The following ATP9B variants were observed in gnomAD, a reference collection of about 807,000 sequenced individuals.
ATP9B encodes ATPase phospholipid transporting 9B.
In ATP9B, 110 loss-of-function variants were observed where a neutral mutation model predicts 146.1. The observed-to-expected ratio is 0.75, with a 90% CI of 0.65 to 0.88. The LOEUF is 0.88. Among genes scored for constraint, ATP9B ranks in the 40% least tolerant of loss-of-function variants. The pLI, the probability that ATP9B is intolerant of heterozygous loss-of-function variation, is 0.00. For synonymous variants in ATP9B, 604 were observed against 569.7 expected, an observed-to-expected ratio of 1.06 and a Z score of -0.86; for missense variants, 1,499 against 1,496.4, an observed-to-expected ratio of 1.00 and a Z score of -0.03.
At chr18:79,288,398 G>T (rs189566900) in intron 13 of ATP9B, among the ~76,000 whole-genome samples, 5 of 152,142 alleles carry the variant, frequency 3.3e-5, no homozygotes, top group African/African-American at 1.2e-4. Context: ...GATCTTCGTT[G>T]GTTTAAAGTC....
chr18:79,267,908 T>G (rs1051839592), intron 12 of ATP9B, among the ~76,000 whole-genome samples: 18 of 152,112 alleles, frequency 1.2e-4, no homozygotes, highest in African/African-American at 4.3e-4. Flanking sequence ...CCACAAGGGT[T>G]TTTCTCTTTC....
chr18:79,292,982 G>C (rs1257150546), intron 13 of ATP9B, among the ~76,000 whole-genome samples: 2 of 151,918 alleles, frequency 1.3e-5, no homozygotes, highest in Non-Finnish European at 2.9e-5. Context: ...GTGGTATGTG[G>C]TGCGGGCATA....
chr18:79,149,891 G>A (rs552554603), intron 6 of ATP9B, among the ~76,000 whole-genome samples: 3 of 151,948 alleles, frequency 2.0e-5, no homozygotes, highest in African/African-American at 7.2e-5. Flanking sequence ...GACCATCTTC[G>A]CCAACATGGT....
At chr18:79,128,167 C>G (rs1247284562) in intron 5 of ATP9B, among the ~76,000 whole-genome samples, 2 of 146,248 alleles carry the variant, frequency 1.4e-5, no homozygotes, top group African/African-American at 2.5e-5. Context: ...TCGGGCGATT[C>G]TCCTGCCTCA....
chr18:79,076,350 A>G (rs958063036), intron 1 of ATP9B, among the ~76,000 whole-genome samples: 1 of 152,178 alleles, frequency 6.6e-6, no homozygotes, highest in Non-Finnish European at 1.5e-5. Context: ...ACTGGAAACA[A>G]ATTCTCTTTG....
chr18:79,369,702 C>T (rs1022425865), intron 26 of ATP9B, among the ~76,000 whole-genome samples: 23 of 152,228 alleles, frequency 1.5e-4, no homozygotes, highest in Non-Finnish European at 3.1e-4. Context: ...CCATCTTTCA[C>T]GCCACACGCG....
chr18:79,299,880 C>T (rs1449332139), intron 13 of ATP9B: 4 of 152,254 alleles, frequency 2.6e-5, no homozygotes, highest in Non-Finnish European at 4.4e-5. Flanking sequence ...AGAACTGTAG[C>T]TCCTGCTGCA....
At chr18:79,085,025 A>T (rs1174859878) in intron 1 of ATP9B, 1 of 152,080 alleles carries the variant, frequency 6.6e-6, no homozygotes, top group African/African-American at 2.4e-5. Flanking sequence ...AAAAAGGTTT[A>T]ATTGGCTCGT....
chr18:79,108,817 T>G (rs1165208467), intron 2 of ATP9B, among the ~76,000 whole-genome samples: 1 of 152,188 alleles, frequency 6.6e-6, no homozygotes, highest in African/African-American at 2.4e-5. Flanking sequence ...TAGTACCAAC[T>G]TCAGTTGAGA....
chr18:79,319,227 T>C (rs996319747), intron 15 of ATP9B, among the ~76,000 whole-genome samples: 5 of 152,256 alleles, frequency 3.3e-5, no homozygotes, highest in African/African-American at 1.2e-4. Flanking sequence ...ACAAACATTT[T>C]AGCACTGTTA....
Position 79,378,135 on chromosome 18 carries a change from T to A in ATP9B, c.*752T>A, listed in dbSNP as rs1447038190. The A allele has an allele frequency of 6.6e-6, 1 of 152,262 alleles. No individual in the cohort carries two copies. Among genetic ancestry groups the A allele is most frequent in the Admixed American group, 6.5e-5 (1 of 15,290 alleles). The allele number at this position is 152,262 out of a possible 1,614,324, so 9.4% of individuals were successfully genotyped here. The stretch of plus-strand genomic sequence containing the variant: ...TACTCAAATGTAATAAAATTGAGGC[T>A]CCACGGAGGCCCGTGTCCACATCAG... On this transcript the variant is annotated 3_prime_UTR_variant, in exon 30 of 30. Coordinates refer to ENST00000426216, the MANE Select transcript of ATP9B (RefSeq NM_198531.5).
At chr18:79,070,729 G>A (rs530480018) in intron 1 of ATP9B, among the ~76,000 whole-genome samples, 2 of 151,830 alleles carry the variant, frequency 1.3e-5, no homozygotes, top group South Asian at 4.2e-4. Flanking sequence ...TTGTCATCTC[G>A]GTGGATTGTT....
In ATP9B at chr18:79,294,459, G is replaced by A. The variant is rs1375443251; in HGVS notation, c.1412-9145G>A. 5.9e-5 allele frequency among the ~76,000 whole-genome samples: 9 copies of A among 152,324 alleles called. No individual in the cohort carries two copies. In the South Asian group the frequency reaches 8.3e-4, roughly 14 times the overall value. Reference sequence around the variant, plus strand: ...CAGCCGTGGCTCACAGGAAACACAGGGCCCACAGGCACAGGAGAAACGGCC... The same window carrying A: ...CAGCCGTGGCTCACAGGAAACACAGAGCCCACAGGCACAGGAGAAACGGCC... On this transcript the variant is annotated intron_variant, in intron 13 of 29. Transcript: ENST00000426216.
chr18:79,302,372 C>G (rs563327281), intron 13 of ATP9B, among the ~76,000 whole-genome samples: 12 of 147,370 alleles, frequency 8.1e-5, no homozygotes, highest in Admixed American at 6.1e-4. Flanking sequence ...ACGCGTGGCA[C>G]CACGTTGTGA....
At chr18:79,126,168 T>C (rs2094282793) in intron 4 of ATP9B, 99 bp from the exon 5 acceptor site, 1 of 893,542 alleles carries the variant, frequency 1.1e-6, no homozygotes, top group African/African-American at 1.7e-5. Flanking sequence ...TTTTAGAGAG[T>C]AATATAAATT....
In ATP9B at chr18:79,375,655, G is replaced by A. The variant is rs199516489; in HGVS notation, c.3307+229G>A. Reference sequence around the variant, plus strand: ...TGGCCCTGAGTGAGGGGAAGGGGCCGGGCATCCTGCCATCTGCTGAGGATT... The same window carrying A: ...TGGCCCTGAGTGAGGGGAAGGGGCCAGGCATCCTGCCATCTGCTGAGGATT... On this transcript the variant is annotated intron_variant, in intron 29 of 29. Transcript: ENST00000426216. 9.6e-5 allele frequency: 95 copies of A among 985,396 alleles called. 1 individual carries two copies. The East Asian group carries it at 1.5e-3, about 15-fold the overall frequency. The allele number at this position is 985,396 out of a possible 1,614,324, so 61.0% of individuals were successfully genotyped here. A position where few individuals can be genotyped will look rare whatever the true frequency, so the allele number is the denominator to read the frequency against.
intron 11 of ATP9B, among the ~76,000 whole-genome samples, chr18:79,232,384 T>C (rs1486540089): frequency 6.6e-6 from 1 of 151,826 alleles, no homozygotes; most frequent in African/African-American, 2.4e-5. Flanking sequence ...AGGTGTAGAA[T>C]CTCTGAGGAA....
intron 15 of ATP9B, among the ~76,000 whole-genome samples, chr18:79,324,007 T>TA (rs763730926): frequency 7.2e-5 from 11 of 152,224 alleles, no homozygotes; most frequent in Non-Finnish European, 1.5e-4. Context: ...GGTGAGGTGA[T>TA]ACCTCATTGT....
At chr18:79,157,408 A>AAAAAAAACAAAC (rs1460881498) in intron 7 of ATP9B, among the ~76,000 whole-genome samples, 1 of 148,050 alleles carries the variant, frequency 6.8e-6, no homozygotes, top group Non-Finnish European at 1.5e-5. Flanking sequence ...AAAAAAAAAA[A>AAAAAAAACAAAC]AAAAAAAAAA....
Sources: allele counts gnomAD v4.1 joint callset (sites outside exome capture counted in the v4.1 genomes callset), GRCh38; gene constraint gnomAD v4.1.1; transcripts MANE v1.5; gene names NCBI Gene and HGNC (gene_info 2026-07-23, HGNC 2026-07-21).